The following FBXL7 variants were observed in gnomAD, a reference collection of about 807,000 sequenced individuals.
FBXL7 encodes F-box/LRR-repeat protein 7.
A neutral mutation model predicts 38.3 loss-of-function variants in FBXL7; 12 were observed. The ratio of observed to expected loss-of-function variants is 0.31; its 90% CI spans 0.20 to 0.51. The LOEUF (loss-of-function observed/expected upper bound fraction) is 0.51, where lower values mean the gene tolerates loss of function less well. Among genes scored for constraint, FBXL7 ranks in the 20% least tolerant of loss-of-function variants. FBXL7 has a pLI of 0.98. For synonymous variants in FBXL7, 297 were observed against 300.9 expected (o/e 0.99, Z 0.13); for missense variants, 567 against 676.4 (o/e 0.84, Z 1.79).
chr5:15,749,024 T>C (rs947816048), intron 2 of FBXL7, among the ~76,000 whole-genome samples: 1 of 151,726 alleles, frequency 6.6e-6, no homozygotes, highest in South Asian at 2.1e-4. Context: ...TGGGGCAGAT[T>C]ACCTGAGGTC....
intron 2 of FBXL7, among the ~76,000 whole-genome samples, chr5:15,844,307 T>C (rs544235200): frequency 9.2e-5 from 14 of 152,370 alleles, no homozygotes; most frequent in African/African-American, 3.1e-4. Context: ...ACTTAGCTGC[T>C]GAAGCAAGCC....
chr5:15,756,293 A>T (rs1736294862), intron 2 of FBXL7, among the ~76,000 whole-genome samples: 1 of 152,200 alleles, frequency 6.6e-6, no homozygotes, highest in Admixed American at 6.5e-5. Context: ...AAGAGGAAGC[A>T]AAAAAGCAGC....
At chr5:15,816,623 T>G (rs1738022941) in intron 2 of FBXL7, among the ~76,000 whole-genome samples, 2 of 152,184 alleles carry the variant, frequency 1.3e-5, no homozygotes, top group African/African-American at 4.8e-5. Flanking sequence ...TAAAAACACT[T>G]GTACCCCTAA....
At chr5:15,914,401 A>G (rs1217689653) in intron 2 of FBXL7, among the ~76,000 whole-genome samples, 2 of 151,870 alleles carry the variant, frequency 1.3e-5, no homozygotes, top group South Asian at 2.1e-4. Flanking sequence ...AAAAAAAAAA[A>G]AAAAGGAATG....
At chr5:15,900,106 C>A (rs1741199346) in intron 2 of FBXL7, among the ~76,000 whole-genome samples, 1 of 151,982 alleles carries the variant, frequency 6.6e-6, no homozygotes, top group African/African-American at 2.4e-5. Context: ...CTTGGGACAG[C>A]CTTCTGTTGT....
At chr5:15,542,206 A>G (rs1378197107) in intron 1 of FBXL7, among the ~76,000 whole-genome samples, 1 of 152,064 alleles carries the variant, frequency 6.6e-6, no homozygotes, top group Non-Finnish European at 1.5e-5. Flanking sequence ...TTAAATACCA[A>G]TTCATTTAAA....
chr5:15,839,426 A>AATCT (rs1738681725), intron 2 of FBXL7, among the ~76,000 whole-genome samples: 1 of 152,084 alleles, frequency 6.6e-6, no homozygotes, highest in East Asian at 1.9e-4. Context: ...AAAATATAGC[A>AATCT]ATCTATCTGA....
intron 2 of FBXL7, among the ~76,000 whole-genome samples, chr5:15,877,753 CAT>C (rs1238405934): frequency 6.6e-6 from 1 of 152,154 alleles, no homozygotes; most frequent in African/African-American, 2.4e-5. Flanking sequence ...TAAAATAACT[CAT>C]AATGCTTTCT....
intron 2 of FBXL7, among the ~76,000 whole-genome samples, chr5:15,784,655 G>C (rs1269635187): frequency 6.6e-6 from 1 of 152,000 alleles, no homozygotes; most frequent in African/African-American, 2.4e-5. Flanking sequence ...TTAAAAGTGT[G>C]TGGCATCTCC....
At chr5:15,775,228 T>C (rs1288077616) in intron 2 of FBXL7, among the ~76,000 whole-genome samples, 3 of 152,216 alleles carry the variant, frequency 2.0e-5, no homozygotes, top group African/African-American at 7.2e-5. Context: ...TCATTATTAG[T>C]TGAATAGCAG....
At chr5:15,859,682 A>G (rs1739392986) in intron 2 of FBXL7, among the ~76,000 whole-genome samples, 1 of 152,108 alleles carries the variant, frequency 6.6e-6, no homozygotes, top group African/African-American at 2.4e-5. Flanking sequence ...AGCACAGGAA[A>G]GACCTGCCCC....
At chr5:15,913,075 G>T (rs1002772196) in intron 2 of FBXL7, among the ~76,000 whole-genome samples, 1 of 151,906 alleles carries the variant, frequency 6.6e-6, no homozygotes, top group East Asian at 1.9e-4. Context: ...TATATCCTTG[G>T]GTCACTGGTT....
chr5:15,624,588 A>G (rs945410856), intron 2 of FBXL7, among the ~76,000 whole-genome samples: 3 of 152,192 alleles, frequency 2.0e-5, no homozygotes, highest in African/African-American at 7.2e-5. Context: ...GTAATTCTTG[A>G]TTGCTGAAAG....
intron 2 of FBXL7, among the ~76,000 whole-genome samples, chr5:15,790,157 T>A (rs16867732): frequency 6.6e-6 from 1 of 152,206 alleles, no homozygotes; most frequent in Non-Finnish European, 1.5e-5. Flanking sequence ...TTTATGTTGT[T>A]ACAGTCAATC....
chr5:15,925,419 G>A (rs918853042), intron 2 of FBXL7, among the ~76,000 whole-genome samples: 2 of 152,170 alleles, frequency 1.3e-5, no homozygotes, highest in Non-Finnish European at 2.9e-5. Context: ...GCACAGCGTG[G>A]ATGCACATAA....
rs118173712 is a variant in FBXL7, at chr5:15,781,397, T to A, written c.128-146493T>A. 7.9e-5 allele frequency among the ~76,000 whole-genome samples: 12 copies of A among 151,900 alleles called. No individual in the cohort carries two copies. The East Asian group carries it at 2.3e-3, about 29-fold the overall frequency. On this transcript the variant is annotated intron_variant, in intron 2 of 3. Transcript: ENST00000504595. ...CACCCCCAAGAAAAAAAGGTCTAAG[T>A]ACATTGGGAGGATGGGGAAAGGAGA...
intron 2 of FBXL7, among the ~76,000 whole-genome samples, chr5:15,833,409 C>T (rs1738509344): frequency 6.6e-6 from 1 of 152,264 alleles, no homozygotes; most frequent in African/African-American, 2.4e-5. Context: ...TTTTCTAATA[C>T]CATCACCGAT....
chr5:15,541,429 A>ATGTGTG (rs1269400393), intron 1 of FBXL7, among the ~76,000 whole-genome samples: 17 of 93,906 alleles, frequency 1.8e-4, no homozygotes, highest in African/African-American at 7.8e-4. Context: ...CATATAGTAT[A>ATGTGTG]TATGTGTGTG....
chr5:15,541,207 C>G (rs1737732053), intron 1 of FBXL7, among the ~76,000 whole-genome samples: 1 of 151,500 alleles, frequency 6.6e-6, no homozygotes, highest in Non-Finnish European at 1.5e-5. Flanking sequence ...TGAGACATTC[C>G]TATAAATCAT....
Sources: gnomAD v4.1 joint callset for allele counts (sites outside exome capture counted in the v4.1 genomes callset) on GRCh38, gnomAD v4.1.1 for gene constraint, MANE v1.5 for transcripts, NCBI Gene and HGNC (gene_info 2026-07-23, HGNC 2026-07-21) for gene names.